The following ZNF670 variants were observed in gnomAD, a reference collection of about 807,000 sequenced individuals.
The protein encoded by ZNF670 is zinc finger protein 670.
Under a neutral mutation model 10.9 loss-of-function variants are expected in ZNF670, and 7 were observed. That is an observed-to-expected ratio of 0.64 (90% CI 0.36 to 1.20). The LOEUF (loss-of-function observed/expected upper bound fraction) is 1.20. ZNF670 is among the 50% of genes most tolerant of loss of function. ZNF670 has a pLI of 0.02. For synonymous variants in ZNF670, 136 were observed against 152.7 expected (o/e 0.89, Z 0.81); for missense variants, 446 against 458.6 (o/e 0.97, Z 0.25).
At chr1:247,075,995 AT>A (rs142391307) in intron 1 of ZNF670, among the ~76,000 whole-genome samples, 12 of 151,632 alleles carry the variant, frequency 7.9e-5, no homozygotes, top group South Asian at 4.2e-4. Context: ...CTTTGGAAAT[AT>A]TTTTTTTTAA....
chr1:247,037,557 G>A lies in ZNF670; in HGVS notation c.1062C>T (p.Ser354=). 6.2e-7 allele frequency: 1 copy of A among 1,602,098 alleles called. No homozygotes were observed. Among genetic ancestry groups the A allele is most frequent in the East Asian group, 2.3e-5 (1 of 44,048 alleles). Residue 354 remains serine, a synonymous_variant, in exon 4 of 4, where the codon AGC becomes AGT. Coordinates refer to ENST00000366503, the MANE Select transcript of ZNF670 (RefSeq NM_033213.5). ...TTTCTCCAGTATGAGTCCTTTCATG[G>A]CTTCGAAGGGCACTGGAAGAAGTAA... ...KSFTSSSALR[S]HERTHTGEKP... is the part of the protein sequence containing the mutation.
intron 1 of ZNF670, among the ~76,000 whole-genome samples, chr1:247,075,447 T>C (rs1480812023): frequency 6.6e-6 from 1 of 152,236 alleles, no homozygotes; most frequent in Non-Finnish European, 1.5e-5. Flanking sequence ...TGGTAACATT[T>C]TGATATAGTT....
At chr1:247,056,065 C>T (rs1279878850) in intron 1 of ZNF670, among the ~76,000 whole-genome samples, 1 of 150,064 alleles carries the variant, frequency 6.7e-6, no homozygotes, top group Non-Finnish European at 1.5e-5. Context: ...AAAACAATAA[C>T]AGCTATAGAC....
chr1:247,072,161 T>C (rs1339838524), intron 1 of ZNF670, among the ~76,000 whole-genome samples: 1 of 151,488 alleles, frequency 6.6e-6, no homozygotes, highest in African/African-American at 2.4e-5. Context: ...CCAGCCACTT[T>C]TTTTTTTTAA....
intron 1 of ZNF670, among the ~76,000 whole-genome samples, chr1:247,068,319 C>CAAAAAAAAAAAAAAAAAAAAAAAAA (rs74163724): frequency 8.9e-4 from 49 of 55,190 alleles, no homozygotes; most frequent in African/African-American, 1.3e-3. Flanking sequence ...ATTCTGTCTC[C>CAAAAAAAAAAAAAAAAAAAAAAAAA]AAAAAAAAAA....
At chr1:247,050,569 G>A (rs771060071) in intron 1 of ZNF670, among the ~76,000 whole-genome samples, 15 of 151,092 alleles carry the variant, frequency 9.9e-5, no homozygotes, top group East Asian at 3.9e-4. Context: ...TCCATCTCCC[G>A]GGTTCAAGCG....
At chr1:247,058,401 T>A (rs916880696) in intron 1 of ZNF670, among the ~76,000 whole-genome samples, 1 of 152,154 alleles carries the variant, frequency 6.6e-6, no homozygotes, top group African/African-American at 2.4e-5. Context: ...ATTTAAAGCA[T>A]GGAGGGCATG....
At chr1:247,077,320 CAGG>C (rs1671277025) in intron 1 of ZNF670, among the ~76,000 whole-genome samples, 2 of 152,148 alleles carry the variant, frequency 1.3e-5, no homozygotes, top group Non-Finnish European at 2.9e-5. Flanking sequence ...GGAGATGACC[CAGG>C]AGAAGGTATT....
intron 1 of ZNF670, among the ~76,000 whole-genome samples, chr1:247,046,987 A>T (rs1487974870): frequency 6.6e-6 from 1 of 152,216 alleles, no homozygotes; most frequent in Non-Finnish European, 1.5e-5. Flanking sequence ...CTCCAAAATG[A>T]TCGCCTTTGA....
intron 1 of ZNF670, among the ~76,000 whole-genome samples, chr1:247,069,895 A>T (rs1671076126): frequency 6.6e-6 from 1 of 152,202 alleles, no homozygotes; most frequent in African/African-American, 2.4e-5. Flanking sequence ...ATGCGTATTT[A>T]AAAAACAGAA....
intron 1 of ZNF670, among the ~76,000 whole-genome samples, chr1:247,053,990 C>CA (rs770932449): frequency 6.6e-6 from 1 of 152,232 alleles, no homozygotes; most frequent in Non-Finnish European, 1.5e-5. Context: ...CATTACCTGG[C>CA]AGCAGCCGCA....
rs1396064969 is a variant in ZNF670 at position 247,041,554 on chromosome 1, C to T, written c.4-2017G>A. Among the ~76,000 whole-genome samples, 5 of 152,104 alleles carry T rather than the reference C, an allele frequency of 3.3e-5. No homozygotes were observed. In the East Asian group the frequency reaches 5.8e-4, roughly 18 times the overall value. On this transcript the variant is annotated intron_variant, in intron 1 of 3. Transcript: ENST00000366503. ...ACGGCCATGGCAAACGGGTTACTCA[C>T]GAAGGAAGGAGGAGTCAACTGATAC...
intron 1 of ZNF670, among the ~76,000 whole-genome samples, chr1:247,053,768 T>G (rs572766338): frequency 1.3e-5 from 2 of 152,094 alleles, no homozygotes; most frequent in Non-Finnish European, 2.9e-5. Flanking sequence ...AAAAACCTAG[T>G]AACAGGAGAG....
In ZNF670 at chr1:247,037,153, A is replaced by G. The variant is rs1670175882; in HGVS notation, c.*296T>C. On this transcript the variant is annotated 3_prime_UTR_variant, in exon 4 of 4. Coordinates refer to ENST00000366503, the MANE Select transcript of ZNF670 (RefSeq NM_033213.5). ...TCCCTGCAAAAAACTGAAAATCTAA[A>G]GTATAGACACCTTCTTTAACAATGA... 3.9e-6 allele frequency: 1 copy of G among 259,334 alleles called. No individual in the cohort carries two copies. The highest frequency in any genetic ancestry group is 7.3e-6 in the Non-Finnish European group (1 of 137,618). The allele number at this position is 259,334 out of a possible 1,614,324, so 16.1% of individuals were successfully genotyped here.
At chr1:247,065,507 G>C (rs1420820885) in intron 1 of ZNF670, among the ~76,000 whole-genome samples, 2 of 152,138 alleles carry the variant, frequency 1.3e-5, no homozygotes, top group African/African-American at 4.8e-5. Flanking sequence ...ATTAAGAAGA[G>C]TCCATCAAAT....
Position 247,072,804 on chromosome 1 carries a change from G to GTATATATATATATATA in ZNF670, c.3+5774_3+5789dup, listed in dbSNP as rs74163726. Among the ~76,000 whole-genome samples the GTATATATATATATATA allele has an allele frequency of 7.5e-3, 353 of 47,366 alleles. 8 individuals are homozygous for GTATATATATATATATA. Among genetic ancestry groups the GTATATATATATATATA allele is most frequent in the Middle Eastern group, 0.024 (2 of 82 alleles). The allele number at this position is 47,366 out of a possible 152,430, so 31.1% of individuals were successfully genotyped here. On this transcript the variant is annotated intron_variant, in intron 1 of 3. Transcript: ENST00000366503. ...CTCTGTCTCAAAAAAAAAAGTGTGT[G>GTATATATATATATATA]TATATATATATATATATATATATAT...
intron 1 of ZNF670, among the ~76,000 whole-genome samples, chr1:247,039,847 G>A (rs967205742): frequency 1.3e-5 from 2 of 151,620 alleles, no homozygotes; most frequent in Non-Finnish European, 2.9e-5. Flanking sequence ...TATCTTAAGG[G>A]CCTCTCATAA....
At chr1:247,076,465 C>A (rs1253843936) in intron 1 of ZNF670, among the ~76,000 whole-genome samples, 2 of 151,932 alleles carry the variant, frequency 1.3e-5, no homozygotes, top group Admixed American at 1.3e-4. Context: ...ATCACATTAG[C>A]CAGGATGATC....
rs191725665 is a variant in ZNF670, at chr1:247,074,666, T to C, written c.3+3928A>G. Among the ~76,000 whole-genome samples the C allele has an allele frequency of 4.9e-4, 74 of 152,258 alleles. No individual in the cohort carries two copies. The East Asian group carries it at 7.0e-3, about 14-fold the overall frequency. ...CTGTTCTACCTCAGATCATCAGGCA[T>C]TAGATTCTCATAAGGAGCACACAAC... On this transcript the variant is annotated intron_variant, in intron 1 of 3. Transcript: ENST00000366503.
Sources: allele counts gnomAD v4.1 joint callset (sites outside exome capture counted in the v4.1 genomes callset), GRCh38; gene constraint gnomAD v4.1.1; transcripts MANE v1.5; gene names NCBI Gene and HGNC (gene_info 2026-07-23, HGNC 2026-07-21).